Variants in ZNF469 observed in about 807,000 individuals in gnomAD.
ZNF469 encodes zinc finger protein 469.
ZNF469 carries 1 observed loss-of-function variant against 1.0 expected under a neutral mutation model. The observed-to-expected ratio is 1.00, with a 90% CI of 0.35 to 4.73. The LOEUF (loss-of-function observed/expected upper bound fraction) is 4.73. ZNF469 is among the 30% of genes most tolerant of loss of function. The pLI is 0.16. For synonymous variants in ZNF469, 2,703 were observed against 2,363.4 expected, an observed-to-expected ratio of 1.14 and a Z score of -4.17; for missense variants, 6,100 against 5,356.3, an observed-to-expected ratio of 1.14 and a Z score of -4.33.
At chr16:88,181,987 A>C in the ZNF469 span, among the ~76,000 whole-genome samples, 1 of 152,242 alleles carries the variant, frequency 6.6e-6, no homozygotes, top group African/African-American at 2.4e-5. Flanking sequence ...AGAAAATCCT[A>C]AACAATCTAC....
At position 88,429,598 on chromosome 16, in the gene ZNF469, C is replaced by T. The variant is rs964503200; in HGVS notation, c.2128C>T (p.Pro710Ser). 2.3e-5 allele frequency: 36 copies of T among 1,549,050 alleles called. No individual in the cohort carries two copies. The highest frequency in any genetic ancestry group is 3.1e-5 in the Non-Finnish European group (36 of 1,146,330). The change falls in exon 3 of 3, where the codon CCT (proline) becomes TCT (serine). Residue 710 changes from proline (P) to serine (S), a missense_variant. Coordinates refer to ENST00000565624, the MANE Select transcript of ZNF469 (RefSeq NM_001367624.2). ...GGLQGFPRAP[P>S]PYPTHHFSLS... ...GCTGCAGGGCTTCCCCCGTGCGCCG[C>T]CTCCGTACCCCACACACCACTTCTC...
the ZNF469 span, among the ~76,000 whole-genome samples, chr16:88,183,682 A>G: frequency 6.6e-6 from 1 of 152,132 alleles, no homozygotes; most frequent in Non-Finnish European, 1.5e-5. Flanking sequence ...GAAGTGCCCC[A>G]CTCTGGACAC....
the ZNF469 span, among the ~76,000 whole-genome samples, chr16:88,159,822 G>C: frequency 6.6e-6 from 1 of 152,162 alleles, no homozygotes; most frequent in African/African-American, 2.4e-5. Context: ...TGGGCAGTGA[G>C]GCTGTCATCC....
the ZNF469 span, among the ~76,000 whole-genome samples, chr16:88,350,558 A>C: frequency 6.6e-6 from 1 of 152,246 alleles, no homozygotes; most frequent in Admixed American, 6.5e-5. Context: ...CAGGGGAGGC[A>C]GACCAGCCTG....
chr16:88,372,111 C>T, the ZNF469 span, among the ~76,000 whole-genome samples: 1 of 49,460 alleles, frequency 2.0e-5, no homozygotes, highest in Non-Finnish European at 5.3e-5. Context: ...TCATCACCAT[C>T]ACCACCATCA....
At position 88,430,598 on chromosome 16, in the gene ZNF469, G is replaced by T. The variant is rs990424312; in HGVS notation, c.3128G>T (p.Gly1043Val). The T allele has an allele frequency of 9.6e-5, 144 of 1,500,480 alleles. No individual in the cohort carries two copies. Among genetic ancestry groups the T allele is most frequent in the Non-Finnish European group, 1.3e-4 (143 of 1,130,642 alleles). 92.9% of individuals were successfully genotyped at this position (1,500,480 alleles called of 1,614,324 possible). Reference sequence around the variant, plus strand: ...GACCCCAGGAAGAGGAAGGCTCGGGGCGGCGCCTGGGGCAAGGAGCTCATT... The same window carrying T: ...GACCCCAGGAAGAGGAAGGCTCGGGTCGGCGCCTGGGGCAAGGAGCTCATT... ...RKDPRKRKAR[G>V]GAWGKELILK... Residue 1043 changes from glycine (G) to valine (V), a missense_variant, in exon 3 of 3, where the codon GGC becomes GTC. By Grantham distance (109) the Gly-to-Val change is moderately radical. Coordinates refer to ENST00000565624, the MANE Select transcript of ZNF469 (RefSeq NM_001367624.2).
the ZNF469 span, among the ~76,000 whole-genome samples, chr16:88,204,955 A>T: frequency 1.3e-5 from 2 of 152,188 alleles, no homozygotes; most frequent in Non-Finnish European, 1.5e-5. Context: ...CCTTCCATAG[A>T]AACCCAAGTG....
rs926676747 is a variant in ZNF469 at position 88,437,327 on chromosome 16, C to T, written c.9857C>T (p.Ala3286Val). The change falls in exon 3 of 3, where the codon GCG becomes GTG. Residue 3286 changes from alanine to valine, a missense_variant. Coordinates refer to ENST00000565624, the MANE Select transcript of ZNF469 (RefSeq NM_001367624.2). ...RSTPSNPDGA[A>V]TPDSASATAL... ...ACCCCCAGCAACCCAGACGGGGCCG[C>T]GACCCCAGACAGCGCCTCTGCCACC... 5.2e-6 allele frequency: 8 copies of T among 1,546,326 alleles called. No individual in the cohort carries two copies. Among genetic ancestry groups the T allele is most frequent in the Admixed American group, 2.0e-5 (1 of 50,814 alleles).
chr16:88,229,864 C>A, the ZNF469 span, among the ~76,000 whole-genome samples: 3 of 152,210 alleles, frequency 2.0e-5, no homozygotes, highest in Admixed American at 6.5e-5. Flanking sequence ...GCAGGGACCC[C>A]CCAGCAGGTG....
At chr16:88,193,207 GGGATGGTGGTGATGGTGGTGGTGGGGA>G in the ZNF469 span, among the ~76,000 whole-genome samples, 2 of 61,734 alleles carry the variant, frequency 3.2e-5, no homozygotes, top group Admixed American at 3.1e-4. Flanking sequence ...GATGGTGGTG[GGGATGGTGGTGATGGTGGTGGTGGGGA>G]TGGTGGTGGT....
chr16:88,345,708 T>C, the ZNF469 span, among the ~76,000 whole-genome samples: 1 of 152,210 alleles, frequency 6.6e-6, no homozygotes, highest in African/African-American at 2.4e-5. Flanking sequence ...AAGCCTTGCC[T>C]GCTTCCACCA....
chr16:88,228,115 C>T, the ZNF469 span, among the ~76,000 whole-genome samples: 5 of 152,390 alleles, frequency 3.3e-5, no homozygotes, highest in Non-Finnish European at 4.4e-5. Flanking sequence ...GAACTGATCA[C>T]GCCTGTAAAG....
the ZNF469 span, among the ~76,000 whole-genome samples, chr16:88,117,949 C>G: frequency 6.6e-6 from 1 of 152,204 alleles, no homozygotes; most frequent in East Asian, 1.9e-4. Flanking sequence ...GATTTTATTT[C>G]TTTGTTTTTT....
the ZNF469 span, among the ~76,000 whole-genome samples, chr16:88,212,868 G>A: frequency 3.7e-4 from 57 of 152,194 alleles, no homozygotes; most frequent in African/African-American, 1.2e-3. Flanking sequence ...ACAGGTGTGA[G>A]CCACTGCTCC....
chr16:88,264,081 AC>A, the ZNF469 span, among the ~76,000 whole-genome samples: 4 of 149,582 alleles, frequency 2.7e-5, no homozygotes, highest in East Asian at 4.0e-4. Context: ...CTTACTCCCC[AC>A]CCCCCAGGAC....
chr16:88,217,273 A>C, the ZNF469 span, among the ~76,000 whole-genome samples: 1 of 152,068 alleles, frequency 6.6e-6, no homozygotes, highest in Non-Finnish European at 1.5e-5. Context: ...TAATCCAGCC[A>C]GGTACTCTGC....
At chr16:88,291,030 G>C in the ZNF469 span, among the ~76,000 whole-genome samples, 2 of 152,134 alleles carry the variant, frequency 1.3e-5, no homozygotes, top group African/African-American at 4.8e-5. Flanking sequence ...GGGAAGTCTC[G>C]CTGAGTGACT....
chr16:88,262,725 A>G, the ZNF469 span, among the ~76,000 whole-genome samples: 151,104 of 152,204 alleles, frequency 0.99, 75,017 homozygotes, highest in Middle Eastern at 1. This position sits in a 1 kb window ranked among gnomAD's most constrained non-coding sequence, Gnocchi z 4.3. Context: ...GGAAGGCTTG[A>G]TGCTGGGCAG....
chr16:88,266,350 G>A, the ZNF469 span, among the ~76,000 whole-genome samples: 4 of 152,244 alleles, frequency 2.6e-5, no homozygotes, highest in South Asian at 2.1e-4. Context: ...TGCTGGGGCC[G>A]CTCCGGCTGA....
Sources: gnomAD v4.1 joint callset for allele counts (sites outside exome capture counted in the v4.1 genomes callset) on GRCh38, gnomAD v4.1.1 for gene constraint, Gnocchi (gnomAD v3.1) non-coding constraint, MANE v1.5 for transcripts, NCBI Gene and HGNC (gene_info 2026-07-23, HGNC 2026-07-21) for gene names.